The following SLC24A2 variants were observed in gnomAD, a reference collection of about 807,000 sequenced individuals.
SLC24A2 encodes the protein solute carrier family 24 member 2.
A neutral mutation model predicts 62.0 loss-of-function variants in SLC24A2; 36 were observed. The observed-to-expected ratio is 0.58, with a 90% confidence interval of 0.44 to 0.77. The LOEUF is 0.77. SLC24A2 is among the 30% of genes least tolerant of loss of function. The pLI is 0.00. For missense variants in SLC24A2, 846 were observed against 817.9 expected, an observed-to-expected ratio of 1.03 and a Z score of -0.42; for synonymous variants, 358 against 294.0, an observed-to-expected ratio of 1.22 and a Z score of -2.23.
At chr9:19,946,880 ACTG>A in the SLC24A2 span, among the ~76,000 whole-genome samples, 1 of 152,216 alleles carries the variant, frequency 6.6e-6, no homozygotes, top group East Asian at 1.9e-4. Flanking sequence ...CATTGTTGTT[ACTG>A]CTATGTTTGT....
upstream of SLC24A2, among the ~76,000 whole-genome samples, chr9:19,790,530 CAAAAAAA>C (rs3086381): frequency 0.012 from 1,439 of 122,408 alleles, 11 homozygotes; most frequent in Non-Finnish European, 0.016. Flanking sequence ...ATTTGAGCAT[CAAAAAAA>C]AAAAAAAAAA....
chr9:19,859,304 A>C, the SLC24A2 span, among the ~76,000 whole-genome samples: 16 of 152,202 alleles, frequency 1.1e-4, no homozygotes, highest in African/African-American at 3.6e-4. Flanking sequence ...ATGAGGACAC[A>C]TGGACACAAA....
intron 2 of SLC24A2, among the ~76,000 whole-genome samples, chr9:19,764,043 G>A (rs1822432548): frequency 6.6e-6 from 1 of 152,108 alleles, no homozygotes; most frequent in Admixed American, 6.5e-5. Flanking sequence ...AGTCTTGGGA[G>A]GATATATGTG....
At chr9:20,230,314 T>C in the SLC24A2 span, among the ~76,000 whole-genome samples, 22 of 152,142 alleles carry the variant, frequency 1.4e-4, no homozygotes, top group South Asian at 2.1e-4. Context: ...GTCACACTGA[T>C]TTCCACAATG....
chr9:20,088,978 G>A, the SLC24A2 span, among the ~76,000 whole-genome samples: 1 of 152,204 alleles, frequency 6.6e-6, no homozygotes, highest in African/African-American at 2.4e-5. Context: ...AAGAAAAGTG[G>A]TCAGACTATT....
intron 7 of SLC24A2, among the ~76,000 whole-genome samples, chr9:19,572,073 C>T (rs112472837): frequency 7.7e-6 from 1 of 130,136 alleles, no homozygotes; most frequent in African/African-American, 2.7e-5. Context: ...AGTTCGAGAC[C>T]AGCCTGATCA....
chr9:19,722,674 G>A (rs976577048), intron 2 of SLC24A2, among the ~76,000 whole-genome samples: 4 of 150,556 alleles, frequency 2.7e-5, no homozygotes, highest in African/African-American at 7.3e-5. Context: ...AAAAAACCAC[G>A]ATATTCAATC....
At chr9:20,087,656 G>A in the SLC24A2 span, among the ~76,000 whole-genome samples, 1 of 152,106 alleles carries the variant, frequency 6.6e-6, no homozygotes, top group East Asian at 1.9e-4. Flanking sequence ...TTTCCTACTT[G>A]ATTTTAGCAA....
At chr9:20,073,563 T>A in the SLC24A2 span, among the ~76,000 whole-genome samples, 1 of 152,026 alleles carries the variant, frequency 6.6e-6, no homozygotes, top group Non-Finnish European at 1.5e-5. Flanking sequence ...ATCTTAGAGT[T>A]TTGCCTAAGT....
chr9:20,239,070 C>G, the SLC24A2 span, among the ~76,000 whole-genome samples: 1 of 152,172 alleles, frequency 6.6e-6, no homozygotes, highest in East Asian at 1.9e-4. Context: ...AAATAAATTT[C>G]TCTTCTTTAA....
chr9:20,035,264 G>A, the SLC24A2 span, among the ~76,000 whole-genome samples: 3 of 152,082 alleles, frequency 2.0e-5, no homozygotes, highest in Non-Finnish European at 4.4e-5. Flanking sequence ...AAGTTAAGTG[G>A]GGTGATTAAA....
the SLC24A2 span, among the ~76,000 whole-genome samples, chr9:20,089,320 G>T: frequency 5.9e-5 from 9 of 152,092 alleles, no homozygotes; most frequent in African/African-American, 1.7e-4. Flanking sequence ...TCCAACCTGG[G>T]ACTCCAGCAC....
chr9:20,022,007 T>A, the SLC24A2 span, among the ~76,000 whole-genome samples: 9 of 152,190 alleles, frequency 5.9e-5, no homozygotes, highest in Non-Finnish European at 1.3e-4. Context: ...TTTCTTCCAA[T>A]GCCTCCCCTA....
intron 7 of SLC24A2, among the ~76,000 whole-genome samples, chr9:19,566,647 A>G (rs1359823509): frequency 3.9e-5 from 6 of 152,370 alleles, no homozygotes; most frequent in African/African-American, 1.4e-4. Context: ...ATGCTGCTAT[A>G]AAGGCACATG....
At chr9:19,709,649 G>T (rs1219148137) in intron 2 of SLC24A2, among the ~76,000 whole-genome samples, 2 of 149,914 alleles carry the variant, frequency 1.3e-5, no homozygotes, top group East Asian at 2.0e-4. Context: ...GCAAACTATC[G>T]CAAGGACAAA....
At chr9:20,153,603 T>C in the SLC24A2 span, among the ~76,000 whole-genome samples, 4 of 151,890 alleles carry the variant, frequency 2.6e-5, no homozygotes, top group Non-Finnish European at 5.9e-5. Context: ...CAATCAAAAT[T>C]GTAATTATTG....
chr9:20,200,202 G>A, the SLC24A2 span, among the ~76,000 whole-genome samples: 2 of 151,698 alleles, frequency 1.3e-5, no homozygotes, highest in Admixed American at 1.3e-4. Context: ...CCACAGAGTA[G>A]CCTCTGGCTC....
intron 4 of SLC24A2, among the ~76,000 whole-genome samples, chr9:19,616,612 T>C (rs142597667): frequency 1.3e-5 from 2 of 152,360 alleles, no homozygotes; most frequent in East Asian, 3.9e-4. Flanking sequence ...TTTGAACAAG[T>C]TGCCTAATCT....
chr9:19,811,575 G>C, the SLC24A2 span, among the ~76,000 whole-genome samples: 4 of 151,998 alleles, frequency 2.6e-5, no homozygotes, highest in African/African-American at 9.7e-5. Flanking sequence ...CCAAAGTGTT[G>C]GGATTACAGG....
Sources: gnomAD v4.1 joint callset for allele counts (sites outside exome capture counted in the v4.1 genomes callset) on GRCh38, gnomAD v4.1.1 for gene constraint, MANE v1.5 for transcripts, NCBI Gene and HGNC (gene_info 2026-07-23, HGNC 2026-07-21) for gene names.